The following RGPD3 variants were observed in gnomAD, a reference collection of about 807,000 sequenced individuals.
The protein encoded by RGPD3 is ranBP2-like and GRIP domain-containing protein 3.
A neutral mutation model predicts 154.5 loss-of-function variants in RGPD3; 62 were observed. The ratio of observed to expected loss-of-function variants is 0.40; its 90% CI spans 0.33 to 0.50. RGPD3 has a LOEUF of 0.50. Ranked by LOEUF, RGPD3 falls within the 20% of genes least tolerant of loss-of-function variation. The pLI is 0.59. For synonymous variants in RGPD3, 308 were observed against 607.0 expected, an observed-to-expected ratio of 0.51 and a Z score of 7.24; for missense variants, 919 against 1,716.8, an observed-to-expected ratio of 0.54 and a Z score of 8.21.
chr2:106,457,338 C>G (rs1396548918), intron 3 of RGPD3, among the ~76,000 whole-genome samples: 1 of 152,264 alleles, frequency 6.6e-6, no homozygotes, highest in Non-Finnish European at 1.5e-5. Context: ...ATATTTGTGT[C>G]ATTTGAATGC....
At chr2:106,448,979 C>T (rs978448256) in intron 6 of RGPD3, among the ~76,000 whole-genome samples, 7 of 151,254 alleles carry the variant, frequency 4.6e-5, no homozygotes, top group African/African-American at 1.7e-4. Context: ...GGCTGAGCCA[C>T]CGCGCCCCGC....
At chr2:106,405,284 G>A (rs1676477540) in intron 22 of RGPD3, 55 bp from the exon 23 acceptor site, 2 of 1,531,986 alleles carry the variant, frequency 1.3e-6, no homozygotes, top group Non-Finnish European at 1.8e-6. Flanking sequence ...ATTTCTCAAT[G>A]TAAAATCTAT....
rs1405922782 is a variant in RGPD3 at position 106,460,279 on chromosome 2, C to A, written c.73-947G>T. 2.7e-5 allele frequency among the ~76,000 whole-genome samples: 4 copies of A among 149,678 alleles called. 1 individual carries two copies. Among genetic ancestry groups the A allele is most frequent in the East Asian group, 2.0e-4 (1 of 4,984 alleles). On this transcript the variant is annotated intron_variant, in intron 1 of 22. Transcript: ENST00000409886. ...TCTCTCACTTAACAAACAAAAGAAA[C>A]CAGCTTTCTTTGGGGAGGAAAGGTA...
intron 21 of RGPD3, among the ~76,000 whole-genome samples, chr2:106,415,465 CAGG>C (rs1676795912): frequency 6.6e-6 from 1 of 151,946 alleles, no homozygotes. Context: ...ATCATGAGGT[CAGG>C]AGATCGAGAC....
chr2:106,414,353 G>A (rs1195745223), intron 21 of RGPD3, among the ~76,000 whole-genome samples: 1 of 152,200 alleles, frequency 6.6e-6, no homozygotes, highest in Non-Finnish European at 1.5e-5. Flanking sequence ...GCCAGGAGTG[G>A]TGGCTCATGC....
chr2:106,462,004 C>T (rs1678420043), intron 1 of RGPD3, among the ~76,000 whole-genome samples: 2 of 152,006 alleles, frequency 1.3e-5, no homozygotes, highest in Non-Finnish European at 2.9e-5. Flanking sequence ...CCTCTGCCTC[C>T]CAGGTACAAG....
Position 106,415,848 on chromosome 2 carries a change from A to G in RGPD3, c.5064+2T>C. 6.2e-7 allele frequency: 1 copy of G among 1,611,824 alleles called. No individual in the cohort carries two copies. Among genetic ancestry groups the G allele is most frequent in the African/African-American group, 1.3e-5 (1 of 74,908 alleles). ...TATGGTGGCCAGGTTTTCTGATCTCACCTTAATTTGCTCCATAAGGACTGC... is the reference window on the plus strand; with the variant it reads ...TATGGTGGCCAGGTTTTCTGATCTCGCCTTAATTTGCTCCATAAGGACTGC... On this transcript the variant is annotated splice_donor_variant, in intron 21 of 22. Transcript: ENST00000409886. LOFTEE classifies it high-confidence loss of function.
At chr2:106,441,649 G>C (rs1402551423) in intron 7 of RGPD3, among the ~76,000 whole-genome samples, 4 of 149,976 alleles carry the variant, frequency 2.7e-5, no homozygotes, top group Admixed American at 6.7e-5. Flanking sequence ...GAGGTCAGGA[G>C]TTCGAGACCA....
At chr2:106,409,406 G>C (rs1676604497) in intron 22 of RGPD3, among the ~76,000 whole-genome samples, 1 of 152,010 alleles carries the variant, frequency 6.6e-6, no homozygotes, top group Non-Finnish European at 1.5e-5. Context: ...ACATCATTAA[G>C]AATTTTCAGT....
At chr2:106,422,953 C>A (rs540003588) in intron 20 of RGPD3, 90 bp downstream of exon 20, 527 of 1,598,760 alleles carry the variant, frequency 3.3e-4, no homozygotes, top group Admixed American at 1.4e-3. Flanking sequence ...TCGTTCATAT[C>A]CCAACATTAG....
chr2:106,450,037 C>G (rs1395989451), intron 6 of RGPD3, among the ~76,000 whole-genome samples: 1 of 146,376 alleles, frequency 6.8e-6, no homozygotes, highest in African/African-American at 2.5e-5. Flanking sequence ...AGATCGAGAC[C>G]ATCCTGGCCA....
At chr2:106,412,883 C>G (rs538101700) in intron 22 of RGPD3, 1 of 620,336 alleles carries the variant, frequency 1.6e-6, no homozygotes, top group Non-Finnish European at 2.8e-6. Context: ...TTTTGCTGAA[C>G]GTTAAAATTA....
intron 20 of RGPD3, among the ~76,000 whole-genome samples, chr2:106,421,338 C>A (rs868685320): frequency 6.6e-6 from 1 of 151,854 alleles, no homozygotes; most frequent in Admixed American, 6.6e-5. Flanking sequence ...AGAAACTGTA[C>A]GCAAGTATAC....
At chr2:106,457,358 A>T (rs1334991364) in intron 3 of RGPD3, among the ~76,000 whole-genome samples, 23 of 152,282 alleles carry the variant, frequency 1.5e-4, no homozygotes, top group Non-Finnish European at 2.9e-5. Context: ...CAAAAAACAC[A>T]AAAGAACACC....
chr2:106,415,697 A>AAAAAAAAT (rs1491421236), intron 21 of RGPD3, among the ~76,000 whole-genome samples, 153 bp downstream of exon 21: 2 of 134,636 alleles, frequency 1.5e-5, no homozygotes, highest in African/African-American at 6.1e-5. Flanking sequence ...AAAAAAAAAA[A>AAAAAAAAT]GGCAATATTT....
rs1229673180 is a variant in RGPD3, at chr2:106,457,020, T to C, written c.356A>G (p.Glu119Gly). ...VTDGRAEYWV[E>G]RAAKLFPGSP... is the part of the protein sequence containing the mutation. Reference sequence around the variant, plus strand: ...TCCTGGGAAAAGTTTTGCTGCTCTTTCCACCCAGTATTCTGCTCTTCCATC... The same window carrying C: ...TCCTGGGAAAAGTTTTGCTGCTCTTCCCACCCAGTATTCTGCTCTTCCATC... The change falls in exon 4 of 23, where the codon GAA becomes GGA. Residue 119 changes from glutamate to glycine, a missense_variant. Glu to Gly is a moderately conservative substitution (Grantham distance 98). Transcript: ENST00000409886. 1 of 1,611,408 alleles carries C rather than the reference T, an allele frequency of 6.2e-7. No individual in the cohort carries two copies. Among genetic ancestry groups the C allele is most frequent in the African/African-American group, 1.3e-5 (1 of 74,844 alleles).
intron 6 of RGPD3, among the ~76,000 whole-genome samples, chr2:106,448,281 T>C (rs1334560133): frequency 2.6e-5 from 4 of 152,174 alleles, no homozygotes; most frequent in Non-Finnish European, 4.4e-5. Context: ...CTAAACTTTT[T>C]TTATATTTTT....
chr2:106,444,833 A>G (rs1450022203), intron 7 of RGPD3, among the ~76,000 whole-genome samples: 1 of 144,882 alleles, frequency 6.9e-6, no homozygotes, highest in Non-Finnish European at 1.5e-5. Context: ...ATATCAAAAA[A>G]TTGTAGGCTG....
rs1677542480 is a variant in RGPD3, at chr2:106,436,135, G to A, written c.1746C>T (p.Cys582=). The A allele has an allele frequency of 6.2e-7, 1 of 1,604,690 alleles. No homozygotes were observed. The highest frequency in any genetic ancestry group is 2.2e-5 in the East Asian group (1 of 44,810). Reference sequence around the variant, plus strand: ...CTTTAAAACTCACCATTTTCTGAAGGCATTTTGCCCAATGTACAAGCAGAG... The same window carrying A: ...CTTTAAAACTCACCATTTTCTGAAGACATTTTGCCCAATGTACAAGCAGAG... ...QPALLVHWAK[C]LQKMGSGLNS... is the part of the protein sequence containing the mutation. The change falls in exon 12 of 23, where the codon TGC becomes TGT. Residue 582 remains cysteine (C), a synonymous_variant. Coordinates refer to ENST00000409886, the MANE Select transcript of RGPD3 (RefSeq NM_001144013.2).
Sources: gnomAD v4.1 joint callset for allele counts (sites outside exome capture counted in the v4.1 genomes callset) on GRCh38, gnomAD v4.1.1 for gene constraint, MANE v1.5 for transcripts, NCBI Gene and HGNC (gene_info 2026-07-23, HGNC 2026-07-21) for gene names.